CIMIP1: variants seen among roughly 807,000 people sequenced by gnomAD.
CIMIP1 encodes the protein ciliary microtubule inner protein 1.
chr20:58,160,910 C>A, the CIMIP1 span: 1 of 1,427,708 alleles, frequency 7.0e-7, no homozygotes, highest in Non-Finnish European at 9.5e-7. Flanking sequence ...TCCCCTGAAT[C>A]CCGAGGACAC....
the CIMIP1 span, chr20:58,155,366 T>A: frequency 1.1e-6 from 1 of 886,582 alleles, no homozygotes; most frequent in Non-Finnish European, 1.8e-6. Context: ...GGGAGGACAC[T>A]CCCCCAGCTT....
chr20:58,154,734 T>A, the CIMIP1 span, among the ~76,000 whole-genome samples: 3 of 152,190 alleles, frequency 2.0e-5, no homozygotes, highest in African/African-American at 7.2e-5. Flanking sequence ...GCTTGAAAAA[T>A]TAAAAAGGGG....
the CIMIP1 span, among the ~76,000 whole-genome samples, chr20:58,160,372 C>T: frequency 6.6e-6 from 1 of 152,206 alleles, no homozygotes; most frequent in Non-Finnish European, 1.5e-5. Context: ...CTTGATATTT[C>T]TGCATCTTTT....
the CIMIP1 span, among the ~76,000 whole-genome samples, chr20:58,152,439 AG>A: frequency 2.6e-5 from 4 of 151,644 alleles, no homozygotes; most frequent in African/African-American, 9.7e-5. Flanking sequence ...AAAAAAAAAA[AG>A]ATTATTTAAG....
At chr20:58,158,824 C>T in the CIMIP1 span, among the ~76,000 whole-genome samples, 2 of 152,212 alleles carry the variant, frequency 1.3e-5, no homozygotes, top group African/African-American at 4.8e-5. Context: ...GCCACTGTCA[C>T]CCATTTGTCA....
chr20:58,152,463 G>A, the CIMIP1 span, among the ~76,000 whole-genome samples: 5 of 151,788 alleles, frequency 3.3e-5, no homozygotes, highest in South Asian at 2.1e-4. Flanking sequence ...ACTGTCAGCC[G>A]GATGCAGTGG....
the CIMIP1 span, among the ~76,000 whole-genome samples, chr20:58,151,909 A>G: frequency 6.6e-6 from 1 of 152,280 alleles, no homozygotes; most frequent in Middle Eastern, 3.4e-3. Flanking sequence ...GCTACGTATT[A>G]TTGCATCTCT....
chr20:58,152,517 G>A, the CIMIP1 span, among the ~76,000 whole-genome samples: 1 of 152,008 alleles, frequency 6.6e-6, no homozygotes, highest in African/African-American at 2.4e-5. Flanking sequence ...GAGGCCAGGA[G>A]TTGAAGACCA....
the CIMIP1 span, among the ~76,000 whole-genome samples, chr20:58,158,551 G>A: frequency 6.6e-6 from 1 of 152,100 alleles, no homozygotes; most frequent in Non-Finnish European, 1.5e-5. Context: ...TCAGGAGGCT[G>A]AGGCAGGAGA....
chr20:58,155,606 A>G, the CIMIP1 span: 1 of 1,535,200 alleles, frequency 6.5e-7, no homozygotes, highest in Non-Finnish European at 9.0e-7. Flanking sequence ...TTTTTAAAAT[A>G]CTCATTTTCC....
At chr20:58,151,337 A>T in the CIMIP1 span, among the ~76,000 whole-genome samples, 1 of 150,654 alleles carries the variant, frequency 6.6e-6, no homozygotes, top group Non-Finnish European at 1.5e-5. Context: ...TAACATGTTC[A>T]TGTTTTTTTT....
chr20:58,155,411 C>T, the CIMIP1 span: 9 of 1,378,504 alleles, frequency 6.5e-6, no homozygotes, highest in Non-Finnish European at 8.2e-6. Context: ...GATTCTGTTT[C>T]AGTACATTTC....
the CIMIP1 span, chr20:58,160,814 G>T: frequency 7.6e-4 from 1,223 of 1,611,776 alleles, no homozygotes; most frequent in Non-Finnish European, 9.4e-4. Context: ...CAAGCAGGGC[G>T]TGCACTGAAT....
chr20:58,158,706 C>T, the CIMIP1 span, among the ~76,000 whole-genome samples: 1 of 151,892 alleles, frequency 6.6e-6, no homozygotes, highest in Non-Finnish European at 1.5e-5. Flanking sequence ...ACCTTCCTAT[C>T]CTCTCATTGG....
chr20:58,159,048 T>A, the CIMIP1 span, among the ~76,000 whole-genome samples: 90 of 152,344 alleles, frequency 5.9e-4, no homozygotes, highest in African/African-American at 2.1e-3. Context: ...TCCAATTGTT[T>A]GCTATTACAA....
At chr20:58,159,208 T>C in the CIMIP1 span, among the ~76,000 whole-genome samples, 2 of 128,766 alleles carry the variant, frequency 1.6e-5, no homozygotes, top group Non-Finnish European at 3.4e-5. Flanking sequence ...TTTTTTTGCA[T>C]CTGCACTTTC....
At chr20:58,157,764 T>A in the CIMIP1 span, among the ~76,000 whole-genome samples, 3 of 152,206 alleles carry the variant, frequency 2.0e-5, no homozygotes, top group Non-Finnish European at 4.4e-5. Flanking sequence ...TTGATATTAG[T>A]GCCTACAAAG....
At chr20:58,154,751 C>A in the CIMIP1 span, among the ~76,000 whole-genome samples, 1 of 152,070 alleles carries the variant, frequency 6.6e-6, no homozygotes, top group Non-Finnish European at 1.5e-5. Flanking sequence ...GGGGAGTGGA[C>A]GCTCTCCTCT....
chr20:58,160,901 C>A, the CIMIP1 span: 2 of 1,477,520 alleles, frequency 1.4e-6, no homozygotes, highest in Non-Finnish European at 1.8e-6. Context: ...AGGAAGAGCT[C>A]CCCTGAATCC....
Sources: allele counts gnomAD v4.1 joint callset (sites outside exome capture counted in the v4.1 genomes callset), GRCh38; gene constraint gnomAD v4.1.1; transcripts MANE v1.5; gene names NCBI Gene and HGNC (gene_info 2026-07-23, HGNC 2026-07-21).